The following ATP8B4 variants were observed in gnomAD, a reference collection of about 807,000 sequenced individuals.
The protein encoded by ATP8B4 is ATPase phospholipid transporting 8B4 (putative), also known as probable phospholipid-transporting ATPase IM.
ATP8B4 carries 133 observed loss-of-function variants against 145.6 expected under a neutral mutation model. That is an observed-to-expected ratio of 0.91 (90% CI 0.79 to 1.05). ATP8B4 has a LOEUF of 1.05. Ranked by LOEUF, ATP8B4 falls within the 50% of genes least tolerant of loss-of-function variation. The pLI is 0.00. For synonymous variants in ATP8B4, 507 were observed against 492.9 expected, an observed-to-expected ratio of 1.03 and a Z score of -0.38; for missense variants, 1,458 against 1,425.2, an observed-to-expected ratio of 1.02 and a Z score of -0.37.
At chr15:50,052,716 T>C (rs956231017) in intron 3 of ATP8B4, among the ~76,000 whole-genome samples, 1 of 152,012 alleles carries the variant, frequency 6.6e-6, no homozygotes, top group Non-Finnish European at 1.5e-5. Flanking sequence ...CAAAGGCCCT[T>C]AGGTAGGCAA....
intron 1 of ATP8B4, among the ~76,000 whole-genome samples, chr15:50,146,754 G>C (rs1190831211): frequency 6.6e-6 from 1 of 152,078 alleles, no homozygotes; most frequent in African/African-American, 2.4e-5. Context: ...TGGGTAAAAG[G>C]GAAAAAAGGG....
chr15:50,165,786 A>G (rs1360535815), intron 1 of ATP8B4, among the ~76,000 whole-genome samples: 1 of 151,486 alleles, frequency 6.6e-6, no homozygotes, highest in Admixed American at 6.6e-5. Flanking sequence ...AGAAAAAAGC[A>G]AATAAAAAAT....
At chr15:49,920,446 G>A (rs2040156850) in intron 17 of ATP8B4, 36 bp from the exon 18 acceptor site, 2 of 1,561,480 alleles carry the variant, frequency 1.3e-6, no homozygotes, top group African/African-American at 1.4e-5. Flanking sequence ...AACCATCAAA[G>A]AAACAATAAG....
chr15:50,158,519 G>A (rs1358688221), intron 1 of ATP8B4, among the ~76,000 whole-genome samples: 7 of 151,634 alleles, frequency 4.6e-5, no homozygotes, highest in Non-Finnish European at 7.4e-5. Flanking sequence ...CGCCCAGTCC[G>A]GGAGGTGGGG....
At chr15:50,172,777 C>A (rs532820771) in intron 1 of ATP8B4, among the ~76,000 whole-genome samples, 275 of 150,740 alleles carry the variant, frequency 1.8e-3, no homozygotes, top group South Asian at 6.5e-3. Context: ...ATGTGAAGAG[C>A]GCCTCTGCCC....
At chr15:49,954,238 C>T (rs2043354163) in intron 14 of ATP8B4, among the ~76,000 whole-genome samples, 1 of 152,104 alleles carries the variant, frequency 6.6e-6, no homozygotes, top group Non-Finnish European at 1.5e-5. Flanking sequence ...TGAGTCAATT[C>T]TCCTTAATAA....
At position 49,920,270 on chromosome 15, in the gene ATP8B4, AT is replaced by A; in HGVS notation, c.1898del (p.Tyr633LeufsTer8). ...CCATCAAATCTCTTTCAATTTCTTC[AT>A]ATAGCCCAGCTATTCGTTCATCCCT... is the stretch of plus-strand genomic sequence containing the variant. ...EERDERIAGL[Y>X]EEIERDLMLL... On this transcript the variant is annotated frameshift_variant, in exon 18 of 28. Coordinates refer to ENST00000284509, the MANE Select transcript of ATP8B4 (RefSeq NM_024837.4). LOFTEE classifies it high-confidence loss of function. The A allele has an allele frequency of 6.2e-7, 1 of 1,614,164 alleles. No individual in the cohort carries two copies. Among genetic ancestry groups the A allele is most frequent in the African/African-American group, 1.3e-5 (1 of 75,050 alleles).
At chr15:49,940,353 CAT>C (rs1263957807) in intron 14 of ATP8B4, among the ~76,000 whole-genome samples, 1 of 152,098 alleles carries the variant, frequency 6.6e-6, no homozygotes, top group East Asian at 1.9e-4. Flanking sequence ...ATTGGGTACA[CAT>C]AGTCATAAAG....
chr15:50,013,566 T>A (rs916311621), intron 6 of ATP8B4, among the ~76,000 whole-genome samples: 6 of 152,122 alleles, frequency 3.9e-5, no homozygotes, highest in African/African-American at 1.4e-4. Flanking sequence ...TCCGTTTTTT[T>A]AAATACATAT....
intron 3 of ATP8B4, 71 bp downstream of exon 3, chr15:50,074,056 G>A: frequency 7.4e-7 from 1 of 1,359,300 alleles, no homozygotes; most frequent in Non-Finnish European, 1.0e-6. Context: ...TAAAGTTCTA[G>A]AAGACATGCA....
intron 20 of ATP8B4, among the ~76,000 whole-genome samples, chr15:49,916,624 C>T (rs1232573672): frequency 2.0e-5 from 3 of 152,118 alleles, no homozygotes; most frequent in Admixed American, 6.6e-5. Context: ...CTCATCACCA[C>T]GCAAGAGTGA....
chr15:50,086,369 TATA>T (rs1482036143), intron 2 of ATP8B4, among the ~76,000 whole-genome samples: 1 of 49,108 alleles, frequency 2.0e-5, no homozygotes, highest in African/African-American at 1.4e-4. Flanking sequence ...ATTTATTATA[TATA>T]ATAAAATAAT....
At chr15:49,915,529 C>T (rs919698857) in intron 20 of ATP8B4, among the ~76,000 whole-genome samples, 11 of 152,168 alleles carry the variant, frequency 7.2e-5, no homozygotes, top group African/African-American at 2.6e-4. Context: ...CTGACTTGAA[C>T]ATTATACATT....
chr15:49,943,523 T>C (rs1394636265), intron 14 of ATP8B4, among the ~76,000 whole-genome samples: 1 of 152,070 alleles, frequency 6.6e-6, no homozygotes, highest in African/African-American at 2.4e-5. Flanking sequence ...CATCAGTAGA[T>C]TTTCCAGCAG....
At chr15:50,019,122 CA>C in intron 6 of ATP8B4, 1 of 453,626 alleles carries the variant, frequency 2.2e-6, no homozygotes, top group Non-Finnish European at 4.2e-6. Flanking sequence ...ACAATCTTGA[CA>C]CTTGCAGAAA....
rs559931237 is a variant in ATP8B4, at chr15:49,923,367, G to A, written c.1758+12C>T. 2.8e-5 allele frequency: 44 copies of A among 1,574,710 alleles called. No individual in the cohort carries two copies. The highest frequency in any genetic ancestry group is 2.8e-4 in the South Asian group (25 of 89,902). The stretch of plus-strand genomic sequence containing the variant: ...AGGGCCATTGTGCTAACCTTAAGAC[G>A]GAGGCACTTACACTGAGGTGGTCTG... On this transcript the variant is annotated intron_variant, in intron 17 of 27. Transcript: ENST00000284509.
intron 6 of ATP8B4, among the ~76,000 whole-genome samples, chr15:50,026,051 C>T (rs987469339): frequency 4.6e-5 from 7 of 152,190 alleles, no homozygotes; most frequent in Non-Finnish European, 1.0e-4. Flanking sequence ...TTGGAAGACC[C>T]GATGATTAAA....
intron 2 of ATP8B4, among the ~76,000 whole-genome samples, chr15:50,098,313 A>G (rs1352990863): frequency 1.1e-5 from 1 of 94,524 alleles, no homozygotes; most frequent in African/African-American, 4.5e-5. Flanking sequence ...TTTTTTTTAG[A>G]TAGGGTCTCA....
At chr15:49,870,055 T>C (rs1008598283) in intron 25 of ATP8B4, among the ~76,000 whole-genome samples, 1 of 152,204 alleles carries the variant, frequency 6.6e-6, no homozygotes, top group Admixed American at 6.5e-5. Context: ...TATGTACTAA[T>C]ATATGCATTG....
Sources: gnomAD v4.1 joint callset for allele counts (sites outside exome capture counted in the v4.1 genomes callset) on GRCh38, gnomAD v4.1.1 for gene constraint, MANE v1.5 for transcripts, NCBI Gene and HGNC (gene_info 2026-07-23, HGNC 2026-07-21) for gene names.